SDK2: variants seen among roughly 807,000 people sequenced by gnomAD.
SDK2 encodes sidekick cell adhesion molecule 2.
Under a neutral mutation model 253.9 loss-of-function variants are expected in SDK2, and 105 were observed. The ratio of observed to expected loss-of-function variants is 0.41; its 90% CI spans 0.35 to 0.49. The LOEUF (loss-of-function observed/expected upper bound fraction) is 0.49. SDK2 is among the 20% of genes least tolerant of loss of function. The probability of loss-of-function intolerance (pLI) is 0.06; values close to 1 mark genes in which losing one functional copy is unlikely to be tolerated. For missense variants in SDK2, 2,608 were observed against 3,003.0 expected, an observed-to-expected ratio of 0.87 and a Z score of 3.07; for synonymous variants, 1,249 against 1,234.9, an observed-to-expected ratio of 1.01 and a Z score of -0.24.
chr17:73,405,631 C>T lies in SDK2; in HGVS notation c.2485-3490G>A, dbSNP rs1273250706. Among the ~76,000 whole-genome samples, 11 of 150,034 alleles carry T rather than the reference C, an allele frequency of 7.3e-5. No homozygotes were observed. In the South Asian group the frequency reaches 8.4e-4, roughly 12 times the overall value. Reference sequence around the variant, plus strand: ...ATTCATGTGGGATTGGTTCCAGGACCGCCCGCAGATACCAAAAGCCACAGC... The same window carrying T: ...ATTCATGTGGGATTGGTTCCAGGACTGCCCGCAGATACCAAAAGCCACAGC... On this transcript the variant is annotated intron_variant, in intron 18 of 44. Coordinates refer to ENST00000392650, the MANE Select transcript of SDK2 (RefSeq NM_001144952.2).
intron 1 of SDK2, among the ~76,000 whole-genome samples, chr17:73,560,019 G>C (rs563316612): frequency 6.6e-6 from 1 of 151,806 alleles, no homozygotes; most frequent in Non-Finnish European, 1.5e-5. Context: ...ATCACACCAC[G>C]GGAAGCGGGT....
At chr17:73,554,523 C>A (rs1478735069) in intron 1 of SDK2, among the ~76,000 whole-genome samples, 1 of 152,202 alleles carries the variant, frequency 6.6e-6, no homozygotes, top group African/African-American at 2.4e-5. Flanking sequence ...CATCTACATG[C>A]CAAGGACAGA....
At chr17:73,453,550 T>C (rs758187478) in intron 4 of SDK2, among the ~76,000 whole-genome samples, 1 of 152,068 alleles carries the variant, frequency 6.6e-6, no homozygotes, top group Non-Finnish European at 1.5e-5. Context: ...GCTAATTTTG[T>C]ATTTTTAGTA....
intron 1 of SDK2, among the ~76,000 whole-genome samples, chr17:73,508,646 C>G (rs899176173): frequency 3.3e-5 from 5 of 152,222 alleles, no homozygotes; most frequent in Non-Finnish European, 7.3e-5. Flanking sequence ...AACCTCATGA[C>G]TAGACAGGAT....
At chr17:73,526,380 C>G (rs996293327) in intron 1 of SDK2, among the ~76,000 whole-genome samples, 4 of 152,076 alleles carry the variant, frequency 2.6e-5, no homozygotes, top group Non-Finnish European at 4.4e-5. Context: ...TTGGGCCAGT[C>G]AGGTAACTTC....
chr17:73,476,183 CAT>C (rs1208820472), intron 2 of SDK2, among the ~76,000 whole-genome samples: 2 of 152,196 alleles, frequency 1.3e-5, no homozygotes, highest in Non-Finnish European at 1.5e-5. Context: ...AGTGTGATGA[CAT>C]GATAGTATTT....
In SDK2 at chr17:73,643,655, G is replaced by C. The variant is rs1179591849; in HGVS notation, c.64+370C>G. ...GAGCAGGGAACCAGGAGCTCGGTCT[G>C]GGAAGCTCAGCGTAGCCGAGCGTGG... On this transcript the variant is annotated intron_variant, in intron 1 of 44. Coordinates refer to ENST00000392650, the MANE Select transcript of SDK2 (RefSeq NM_001144952.2). This position sits in a 1 kb window ranked among gnomAD's most constrained non-coding sequence, Gnocchi z 6.9. Among the ~76,000 whole-genome samples the C allele has an allele frequency of 6.6e-6, 1 of 152,076 alleles. No individual in the cohort carries two copies. The highest frequency in any genetic ancestry group is 1.5e-5 in the Non-Finnish European group (1 of 67,970).
intron 2 of SDK2, among the ~76,000 whole-genome samples, chr17:73,477,271 C>T (rs1218143889): frequency 6.6e-6 from 1 of 152,116 alleles, no homozygotes. Context: ...CCGTAGCTGC[C>T]AGCCCAGCAG....
intron 1 of SDK2, among the ~76,000 whole-genome samples, chr17:73,575,397 C>T (rs1387287936): frequency 5.3e-5 from 8 of 152,238 alleles, no homozygotes; most frequent in Non-Finnish European, 7.3e-5. Context: ...CTCGTTCATT[C>T]ACCAGGTATT....
intron 1 of SDK2, among the ~76,000 whole-genome samples, chr17:73,536,743 G>A (rs975229409): frequency 2.6e-5 from 4 of 152,208 alleles, no homozygotes; most frequent in South Asian, 2.1e-4. Flanking sequence ...GCCATGCTGG[G>A]GGCAGGTGAC....
rs766583569 is a variant in SDK2 at position 73,414,621 on chromosome 17, G to A, written c.2484+23C>T. 3.8e-6 allele frequency: 6 copies of A among 1,560,838 alleles called. No homozygotes were observed. In the East Asian group the frequency reaches 1.3e-4, roughly 35 times the overall value. On this transcript the variant is annotated intron_variant, in intron 18 of 44. Coordinates refer to ENST00000392650, the MANE Select transcript of SDK2 (RefSeq NM_001144952.2). The stretch of plus-strand genomic sequence containing the variant: ...CCAGAAGATCTTAGGGCCTCCTCTT[G>A]GGTGAGGAGATGCCTCATGTACCTT...
At chr17:73,556,916 A>G (rs1357633228) in intron 1 of SDK2, among the ~76,000 whole-genome samples, 2 of 152,238 alleles carry the variant, frequency 1.3e-5, no homozygotes, top group African/African-American at 2.4e-5. Context: ...AGTTAAACAC[A>G]CAAGGAAATT....
chr17:73,523,055 CA>C (rs1198724694), intron 1 of SDK2, among the ~76,000 whole-genome samples: 1 of 152,202 alleles, frequency 6.6e-6, no homozygotes, highest in Non-Finnish European at 1.5e-5. Flanking sequence ...CTCTTGCTGG[CA>C]GATGGGAAAA....
intron 1 of SDK2, among the ~76,000 whole-genome samples, chr17:73,595,036 T>A (rs1184804382): frequency 2.0e-5 from 3 of 152,210 alleles, no homozygotes; most frequent in Non-Finnish European, 4.4e-5. Flanking sequence ...CAGAACGCCA[T>A]CACCACGAGA....
chr17:73,357,126 C>T (rs1309622048), intron 40 of SDK2, among the ~76,000 whole-genome samples: 1 of 152,198 alleles, frequency 6.6e-6, no homozygotes, highest in Admixed American at 6.5e-5. Flanking sequence ...TAGATGTATT[C>T]GCTATATGCA....
rs78959873 is a variant in SDK2, at chr17:73,584,224, C to T, written c.64+59801G>A. ...CCGCCGGGACCTCGCCTGCTCTGCA[C>T]ACCTTCTCCCAGTGCTAGGATGAAG... is the stretch of plus-strand genomic sequence containing the variant. On this transcript the variant is annotated intron_variant, in intron 1 of 44. Transcript: ENST00000392650. 1.4e-3 allele frequency among the ~76,000 whole-genome samples: 211 copies of T among 152,314 alleles called. 5 individuals carry two copies. The East Asian group carries it at 0.036, about 26-fold the overall frequency.
Position 73,386,538 on chromosome 17 carries a change from A to T in SDK2, c.4405T>A (p.Phe1469Ile). The T allele has an allele frequency of 6.4e-7, 1 of 1,555,148 alleles. No individual in the cohort carries two copies. ...TTCACTCGGAACTTGTAGGACGTGA[A>T]GGGCTTCAGCCTGTAGGGAGAAATC... ...SSFIVDRLKP[F>I]TSYKFRVKAT... is the part of the protein sequence containing the mutation. Residue 1469 changes from phenylalanine to isoleucine, a missense_variant, in exon 31 of 45, where the codon TTC becomes ATC. Around this residue, in one of 2 missense-constraint regions of SDK2, gnomAD observed 1,103 missense variants for 1,143.9 expected, o/e 0.96. Transcript: ENST00000392650.
At chr17:73,566,846 A>T (rs2045318546) in intron 1 of SDK2, among the ~76,000 whole-genome samples, 1 of 151,980 alleles carries the variant, frequency 6.6e-6, no homozygotes, top group Non-Finnish European at 1.5e-5. Flanking sequence ...AGAACAAAAA[A>T]ACGACTTAAA....
chr17:73,552,229 G>A (rs1238824731), intron 1 of SDK2, among the ~76,000 whole-genome samples: 2 of 152,234 alleles, frequency 1.3e-5, no homozygotes, highest in Non-Finnish European at 2.9e-5. Context: ...GCCGGCAGCA[G>A]CAGAAACGCA....
Sources: gnomAD v4.1 joint callset for allele counts (sites outside exome capture counted in the v4.1 genomes callset) on GRCh38, gnomAD v4.1.1 for gene constraint, gnomAD v4.1.1 regional missense constraint, Gnocchi (gnomAD v3.1) non-coding constraint, MANE v1.5 for transcripts, NCBI Gene and HGNC (gene_info 2026-07-23, HGNC 2026-07-21) for gene names.